Variants in CNTNAP1 observed in about 807,000 individuals in gnomAD.
CNTNAP1 encodes the protein contactin-associated protein 1.
A neutral mutation model predicts 161.5 loss-of-function variants in CNTNAP1; 80 were observed. The ratio of observed to expected loss-of-function variants is 0.50; its 90% CI spans 0.41 to 0.60. CNTNAP1 has a LOEUF of 0.60. Ranked by LOEUF, CNTNAP1 falls within the 20% of genes least tolerant of loss-of-function variation. CNTNAP1 has a pLI of 0.00. For missense variants in CNTNAP1, 1,464 were observed against 1,854.8 expected (o/e 0.79, Z 3.87); for synonymous variants, 695 against 733.1 (o/e 0.95, Z 0.84).
intron 1 of CNTNAP1, chr17:42,683,247 A>AAAG (rs2052960722): frequency 1.6e-6 from 1 of 622,648 alleles, no homozygotes; most frequent in African/African-American, 2.0e-5. Flanking sequence ...TTAAGGCTGG[A>AAAG]CTTTGGAGCT....
chr17:42,689,077 C>T, intron 10 of CNTNAP1, 30 bp downstream of exon 10: 2 of 1,522,422 alleles, frequency 1.3e-6, no homozygotes, highest in Non-Finnish European at 1.8e-6. Context: ...AAGAGATGAC[C>T]CCTCCAAAGC....
chr17:42,684,993 C>A lies in CNTNAP1; in HGVS notation c.366C>A (p.Thr122=), dbSNP rs1246961795. The A allele has an allele frequency of 2.5e-6, 4 of 1,607,340 alleles. No individual in the cohort carries two copies. Among genetic ancestry groups the A allele is most frequent in the Non-Finnish European group, 3.4e-6 (4 of 1,178,412 alleles). The change falls in exon 4 of 24, where the codon ACC becomes ACA. Residue 122 remains threonine, a splice_region_variant and synonymous_variant. Transcript: ENST00000264638. The part of the protein sequence containing the change: ...TPFYQRGHNS[T]FFGNVNESAV... Reference sequence around the variant, plus strand: ...ACTACTCTCCTCCACCCCCGCAGACCTTCTTTGGTAACGTGAACGAGTCGG... The same window carrying A: ...ACTACTCTCCTCCACCCCCGCAGACATTCTTTGGTAACGTGAACGAGTCGG...
intron 23 of CNTNAP1, 45 bp from the exon 24 acceptor site, chr17:42,698,570 TACA>T: frequency 7.0e-7 from 1 of 1,433,776 alleles, no homozygotes; most frequent in Non-Finnish European, 9.6e-7. Flanking sequence ...TGTGTGTGTA[TACA>T]GGTGAGATCC....
At position 42,688,391 on chromosome 17, in the gene CNTNAP1, C is replaced by T. The variant is rs902971316; in HGVS notation, c.1307-71C>T. 13 of 1,602,134 alleles carry T rather than the reference C, an allele frequency of 8.1e-6. No homozygotes were observed. In the African/African-American group the frequency reaches 1.7e-4, roughly 21 times the overall value. On this transcript the variant is annotated intron_variant, in intron 8 of 23. Coordinates refer to ENST00000264638, the MANE Select transcript of CNTNAP1 (RefSeq NM_003632.3). ...CTGGGACACAGTGGGGCTGCTGCTT[C>T]CCCACTCAGAACATTCTTCTACCCT...
chr17:42,691,508 G>C lies in CNTNAP1; in HGVS notation c.2341G>C (p.Asp781His), dbSNP rs764798398. Residue 781 changes from aspartate (D) to histidine (H), a missense_variant, in exon 15 of 24, where the codon GAT (aspartate) becomes CAT (histidine). By Grantham distance (81) the Asp-to-His change is moderately conservative. This residue lies in a region of CNTNAP1 where 1,383 missense variants were observed against 1,765.0 expected (regional missense o/e 0.78). Transcript: ENST00000264638. The surrounding 1 kb of genome is among the most constrained non-coding windows in gnomAD (Gnocchi z 4.3). The part of the protein sequence containing the change: ...FFLRPLRCYG[D>H]RNSWNTISFH... ...CCTGAGGCCTCTGCGCTGCTATGGC[G>C]ATCGTGAGTGGCAGTCCCCTTTTGT... 6.2e-7 allele frequency: 1 copy of C among 1,613,892 alleles called. No homozygotes were observed. The highest frequency in any genetic ancestry group is 1.1e-5 in the South Asian group (1 of 91,034).
Position 42,685,062 on chromosome 17 carries a change from C to T in CNTNAP1, c.435C>T (p.Tyr145=), listed in dbSNP as rs2052987129. 6.3e-7 allele frequency: 1 copy of T among 1,583,170 alleles called. No homozygotes were observed. The highest frequency in any genetic ancestry group is 1.8e-5 in the Admixed American group (1 of 56,316). Residue 145 remains tyrosine (Y), a synonymous_variant, in exon 4 of 24, where the codon TAC becomes TAT. Transcript: ENST00000264638. This position sits in a 1 kb window ranked among gnomAD's most constrained non-coding sequence, Gnocchi z 5.0. ...TGCACTTCCACTTCACTGCGCGCTA[C>T]ATCCGCATCGTGCCCCTGGCCTGGA... ...HDLHFHFTAR[Y]IRIVPLAWNP...
Position 42,688,936 on chromosome 17 carries a change from G to T in CNTNAP1, c.1517G>T (p.Cys506Phe). 1 of 1,614,118 alleles carries T rather than the reference G, an allele frequency of 6.2e-7. No homozygotes were observed. ...CHSNQTAFHG[C>F]MELLKVDGQL... The stretch of plus-strand genomic sequence containing the variant: ...TCCAACCAGACGGCATTCCATGGCT[G>T]CATGGAGCTGCTCAAGGTGGATGGT... The change falls in exon 10 of 24, where the codon TGC (cysteine) becomes TTC (phenylalanine). Residue 506 changes from cysteine to phenylalanine, a missense_variant. By Grantham distance (205) the Cys-to-Phe change is radical. Around this residue, in one of 3 missense-constraint regions of CNTNAP1, gnomAD observed 1,383 missense variants for 1,765.0 expected, o/e 0.78. Coordinates refer to ENST00000264638, the MANE Select transcript of CNTNAP1 (RefSeq NM_003632.3).
Position 42,685,891 on chromosome 17 carries a change from C to T in CNTNAP1, c.716-66C>T. The T allele has an allele frequency of 1.9e-6, 3 of 1,561,304 alleles. No individual in the cohort carries two copies. The highest frequency in any genetic ancestry group is 1.9e-4 in the Middle Eastern group (1 of 5,374). On this transcript the variant is annotated intron_variant, in intron 5 of 23. Coordinates refer to ENST00000264638, the MANE Select transcript of CNTNAP1 (RefSeq NM_003632.3). The surrounding 1 kb of genome is among the most constrained non-coding windows in gnomAD (Gnocchi z 5.0). The stretch of plus-strand genomic sequence containing the variant: ...GCTTTGTTACACGCTGCTGCTCTGC[C>T]TAGGAGCTTGGACTCCATGGAGTTC...
At position 42,685,875 on chromosome 17, in the gene CNTNAP1, C is replaced by T. The variant is rs573327541; in HGVS notation, c.716-82C>T. 1.4e-6 allele frequency: 2 copies of T among 1,457,850 alleles called. No homozygotes were observed. Among genetic ancestry groups the T allele is most frequent in the Admixed American group, 1.9e-5 (1 of 51,832 alleles). 90.3% of individuals were successfully genotyped at this position (1,457,850 alleles called of 1,614,324 possible). On this transcript the variant is annotated intron_variant, in intron 5 of 23. Coordinates refer to ENST00000264638, the MANE Select transcript of CNTNAP1 (RefSeq NM_003632.3). This position sits in a 1 kb window ranked among gnomAD's most constrained non-coding sequence, Gnocchi z 5.0. ...TCCCTGATTGCCCTGGGCTTTGTTACACGCTGCTGCTCTGCCTAGGAGCTT... is the reference window on the plus strand; with the variant it reads ...TCCCTGATTGCCCTGGGCTTTGTTATACGCTGCTGCTCTGCCTAGGAGCTT...
intron 18 of CNTNAP1, among the ~76,000 whole-genome samples, 164 bp downstream of exon 18, chr17:42,693,700 G>A (rs1209431566): frequency 6.6e-6 from 1 of 152,122 alleles, no homozygotes; most frequent in African/African-American, 2.4e-5. Context: ...AAGATCATGG[G>A]TGACTCCAAA....
At position 42,691,405 on chromosome 17, in the gene CNTNAP1, G is replaced by A. The variant is rs1209502014; in HGVS notation, c.2238G>A (p.Leu746=). ...ACAGGAGAACTGACAAGGGACTGCTGACCTTTGTGGACCATCTGCCTGTCA... is the reference window on the plus strand; with the variant it reads ...ACAGGAGAACTGACAAGGGACTGCTAACCTTTGTGGACCATCTGCCTGTCA... The part of the protein sequence containing the change: ...QPQWRTDKGL[L]TFVDHLPVTQ... Residue 746 remains leucine (L), a synonymous_variant, in exon 15 of 24, where the codon CTG becomes CTA. Coordinates refer to ENST00000264638, the MANE Select transcript of CNTNAP1 (RefSeq NM_003632.3). The surrounding 1 kb of genome is among the most constrained non-coding windows in gnomAD (Gnocchi z 4.3). The A allele has an allele frequency of 2.2e-5, 35 of 1,613,908 alleles. No homozygotes were observed. The highest frequency in any genetic ancestry group is 2.7e-5 in the Non-Finnish European group (32 of 1,179,994).
At position 42,687,335 on chromosome 17, in the gene CNTNAP1, G is replaced by A. The variant is rs578195596; in HGVS notation, c.1044+289G>A. On this transcript the variant is annotated intron_variant, in intron 7 of 23. Transcript: ENST00000264638. This position sits in a 1 kb window ranked among gnomAD's most constrained non-coding sequence, Gnocchi z 4.7. ...CCAGGGGTCGTGCAGCTGCACGGTG[G>A]CTGAGTAGGGACTTGAACCGATGGC... The A allele has an allele frequency of 1.3e-4, 67 of 502,504 alleles. No individual in the cohort carries two copies. Among genetic ancestry groups the A allele is most frequent in the Admixed American group, 2.1e-4 (6 of 28,434 alleles). 31.1% of individuals were successfully genotyped at this position (502,504 alleles called of 1,614,324 possible). A position where few individuals can be genotyped will look rare whatever the true frequency, so the allele number is the denominator to read the frequency against.
In CNTNAP1 at chr17:42,687,017, G is replaced by C; in HGVS notation, c.1015G>C (p.Val339Leu). ...FNRVNIADLA[V>L]RRHSRITFEG... is the part of the protein sequence containing the mutation. ...CCGCGTCAACATCGCAGACCTGGCC[G>C]TGCGGCGCCATTCCCGGATCACCTT... The change falls in exon 7 of 24, where the codon GTG (valine) becomes CTG (leucine). Residue 339 changes from valine to leucine, a missense_variant. By Grantham distance (32) the Val-to-Leu change is conservative. Coordinates refer to ENST00000264638, the MANE Select transcript of CNTNAP1 (RefSeq NM_003632.3). This position sits in a 1 kb window ranked among gnomAD's most constrained non-coding sequence, Gnocchi z 4.7. The C allele has an allele frequency of 6.2e-7, 1 of 1,613,614 alleles. No individual in the cohort carries two copies. The highest frequency in any genetic ancestry group is 8.5e-7 in the Non-Finnish European group (1 of 1,179,632).
chr17:42,696,615 G>A (rs935374498), intron 20 of CNTNAP1, among the ~76,000 whole-genome samples: 5 of 152,164 alleles, frequency 3.3e-5, no homozygotes, highest in Admixed American at 6.5e-5. Context: ...GAGCCACCGC[G>A]CCCAGCCAGA....
rs192233260 is a variant in CNTNAP1 at position 42,695,309 on chromosome 17, T to C, written c.2993-212T>C. 5.8e-4 allele frequency among the ~76,000 whole-genome samples: 89 copies of C among 152,296 alleles called. 1 individual carries two copies. In the East Asian group the frequency reaches 0.014, roughly 24 times the overall value. On this transcript the variant is annotated intron_variant, in intron 18 of 23. Coordinates refer to ENST00000264638, the MANE Select transcript of CNTNAP1 (RefSeq NM_003632.3). The stretch of plus-strand genomic sequence containing the variant: ...TGAGCCTGTTTCCCCATTTGTAAAA[T>C]GCAGGGGTTGGATCAGATGATCTCC...
chr17:42,697,177 A>G (rs935229469), intron 20 of CNTNAP1, 97 bp from the exon 21 acceptor site: 1 of 873,684 alleles, frequency 1.1e-6, no homozygotes, highest in Admixed American at 1.8e-5. Context: ...GCCCCCAAGT[A>G]TATTCCCAGG....
At chr17:42,692,063 G>C (rs1240018828) in intron 16 of CNTNAP1, 72 bp downstream of exon 16, 3 of 1,522,310 alleles carry the variant, frequency 2.0e-6, no homozygotes, top group Middle Eastern at 2.1e-4. Flanking sequence ...GGTAGGCTGG[G>C]GTTGGAGCCA....
intron 10 of CNTNAP1, 133 bp downstream of exon 10, chr17:42,689,180 T>C: frequency 1.2e-6 from 1 of 858,282 alleles, no homozygotes; most frequent in Non-Finnish European, 1.8e-6. Context: ...GGGATGATTC[T>C]TCTTTGATCT....
chr17:42,685,893 A>T lies in CNTNAP1; in HGVS notation c.716-64A>T. The T allele has an allele frequency of 6.4e-7, 1 of 1,556,690 alleles. No homozygotes were observed. The highest frequency in any genetic ancestry group is 1.1e-5 in the South Asian group (1 of 88,230). On this transcript the variant is annotated intron_variant, in intron 5 of 23. Coordinates refer to ENST00000264638, the MANE Select transcript of CNTNAP1 (RefSeq NM_003632.3). This position sits in a 1 kb window ranked among gnomAD's most constrained non-coding sequence, Gnocchi z 5.0. ...TTTGTTACACGCTGCTGCTCTGCCT[A>T]GGAGCTTGGACTCCATGGAGTTCTC...
Sources: allele counts gnomAD v4.1 joint callset (sites outside exome capture counted in the v4.1 genomes callset), GRCh38; gene constraint gnomAD v4.1.1; regional missense constraint gnomAD v4.1.1; non-coding constraint Gnocchi (gnomAD v3.1); transcripts MANE v1.5; gene names NCBI Gene and HGNC (gene_info 2026-07-23, HGNC 2026-07-21).